The following MNS1 variants were observed in gnomAD, a reference collection of about 807,000 sequenced individuals.
MNS1 encodes meiosis specific nuclear structural 1.
Under a neutral mutation model 72.0 loss-of-function variants are expected in MNS1, and 63 were observed. The ratio of observed to expected loss-of-function variants is 0.87; its 90% CI spans 0.71 to 1.08. MNS1 has a LOEUF of 1.08. MNS1 is among the 50% of genes least tolerant of loss of function. The probability of loss-of-function intolerance (pLI) is 0.00; values close to 1 mark genes in which losing one functional copy is unlikely to be tolerated. For missense variants in MNS1, 604 were observed against 562.4 expected (o/e 1.07, Z -0.75); for synonymous variants, 188 against 172.1 (o/e 1.09, Z -0.72).
At position 56,434,364 on chromosome 15, in the gene MNS1, T is replaced by TTTTGC. The variant is rs777722284; in HGVS notation, c.1038_1042dup (p.Lys348SerfsTer5). On this transcript the variant is annotated frameshift_variant, in exon 8 of 10. Coordinates refer to ENST00000260453, the MANE Select transcript of MNS1 (RefSeq NM_018365.4). LOFTEE classifies it high-confidence loss of function. ...TTCTTCAAAATCTTGCTTCATCTCT[T>TTTTGC]TTTGCTTTCTCAATTTCTTTTCTGC... The TTTTGC allele has an allele frequency of 3.1e-6, 5 of 1,612,718 alleles. No homozygotes were observed. Among genetic ancestry groups the TTTTGC allele is most frequent in the Non-Finnish European group, 4.2e-6 (5 of 1,179,600 alleles).
intron 7 of MNS1, among the ~76,000 whole-genome samples, chr15:56,438,273 G>A (rs2050762067): frequency 6.6e-6 from 1 of 151,964 alleles, no homozygotes; most frequent in Admixed American, 6.6e-5. Flanking sequence ...CAGAGATATA[G>A]ACCAATGGAA....
At chr15:56,434,077 G>A (rs2050672416) in intron 8 of MNS1, 61 bp downstream of exon 8, 2 of 1,515,150 alleles carry the variant, frequency 1.3e-6, no homozygotes, top group Admixed American at 3.9e-5. Flanking sequence ...TTTAGTGGAT[G>A]ATAGATGAGC....
chr15:56,464,849 A>G (rs747322985), intron 1 of MNS1, 121 bp downstream of exon 1: 92 of 1,417,002 alleles, frequency 6.5e-5, no homozygotes, highest in Admixed American at 1.8e-4. Context: ...GAAAGCAAAT[A>G]CAAGTTCCCC....
chr15:56,461,240 A>G (rs1159649126), intron 2 of MNS1, among the ~76,000 whole-genome samples: 1 of 152,188 alleles, frequency 6.6e-6, no homozygotes, highest in African/African-American at 2.4e-5. Context: ...ACCGAGAATG[A>G]TGTTTTATCA....
At chr15:56,451,729 T>TG (rs35827225) in intron 3 of MNS1, among the ~76,000 whole-genome samples, 119,539 of 152,086 alleles carry the variant, frequency 0.79, 49,273 homozygotes, top group South Asian at 0.91. Context: ...CAATTCATGA[T>TG]GGGATGCATC....
chr15:56,463,809 C>T (rs962644903), intron 2 of MNS1: 25 of 473,974 alleles, frequency 5.3e-5, no homozygotes, highest in Non-Finnish European at 7.4e-6. Flanking sequence ...AAGCAACTTA[C>T]TCAAGGGTCC....
intron 2 of MNS1, among the ~76,000 whole-genome samples, chr15:56,458,113 A>C (rs930938496): frequency 2.0e-5 from 3 of 152,224 alleles, no homozygotes; most frequent in Admixed American, 6.5e-5. Context: ...GCTAATTCCA[A>C]AAGATTACAT....
At chr15:56,434,973 T>C (rs1274282640) in intron 7 of MNS1, among the ~76,000 whole-genome samples, 1 of 152,104 alleles carries the variant, frequency 6.6e-6, no homozygotes, top group Admixed American at 6.6e-5. Flanking sequence ...TATAAGCTTT[T>C]ATTTTCTGAA....
At chr15:56,452,547 C>T (rs2050954540) in intron 3 of MNS1, among the ~76,000 whole-genome samples, 1 of 146,260 alleles carries the variant, frequency 6.8e-6, no homozygotes, top group Admixed American at 6.9e-5. Flanking sequence ...GAGACAGAGT[C>T]TCTCTCTGTC....
In MNS1 at chr15:56,434,217, T is replaced by A; in HGVS notation, c.1190A>T (p.Gln397Leu). The change falls in exon 8 of 10, where the codon CAA (glutamine) becomes CTA (leucine). Residue 397 changes from glutamine to leucine, a missense_variant. Physicochemically the swap from Gln to Leu is moderately radical, Grantham distance 113. Coordinates refer to ENST00000260453, the MANE Select transcript of MNS1 (RefSeq NM_018365.4). ...DRIELMNAQK[Q>L]RMKQLEHRRA... ...CCTGTGTTCCAGCTGCTTCATTCTT[T>A]GTTTCTGAGCATTCATTAATTCTAT... 1.2e-6 allele frequency: 2 copies of A among 1,613,998 alleles called. No individual in the cohort carries two copies. The highest frequency in any genetic ancestry group is 1.7e-6 in the Non-Finnish European group (2 of 1,179,924).
chr15:56,460,001 A>ATATATATATATATATATAT (rs2051007058), intron 2 of MNS1, among the ~76,000 whole-genome samples: 2 of 33,882 alleles, frequency 5.9e-5, no homozygotes, highest in African/African-American at 2.2e-4. Flanking sequence ...AAAAAAAAAA[A>ATATATATATATATATATAT]AAAAAAAAAT....
In MNS1 at chr15:56,444,486, A is replaced by T. The variant is rs1364044799; in HGVS notation, c.644T>A (p.Met215Lys). Residue 215 changes from methionine (M) to lysine (K), a missense_variant, in exon 5 of 10, where the codon ATG (methionine) becomes AAG (lysine). Transcript: ENST00000260453. ...GATCTTCCTAACAATTTCATCAATC[A>T]TGAGTTTCTCTTTTAGCAGCTGCTC... ...AYEQLLKEKL[M>K]IDEIVRKIYE... 2 of 1,609,032 alleles carry T rather than the reference A, an allele frequency of 1.2e-6. No individual in the cohort carries two copies. The highest frequency in any genetic ancestry group is 1.7e-6 in the Non-Finnish European group (2 of 1,178,846).
intron 2 of MNS1, 35 bp from the exon 3 acceptor site, chr15:56,456,556 TAGAATC>T (rs1174854206): frequency 6.3e-7 from 1 of 1,591,020 alleles, no homozygotes; most frequent in Non-Finnish European, 8.5e-7. Context: ...GTTTGTCCTC[TAGAATC>T]AGATTTTTTT....
chr15:56,430,863 A>T (rs1277188783), intron 9 of MNS1, among the ~76,000 whole-genome samples: 1 of 152,168 alleles, frequency 6.6e-6, no homozygotes, highest in Non-Finnish European at 1.5e-5. Context: ...AAAAGGGGAG[A>T]AAAGAAACTC....
rs1449729006 is a variant in MNS1 at position 56,444,519 on chromosome 15, T to A, written c.611A>T (p.Glu204Val). 1 of 1,612,288 alleles carries A rather than the reference T, an allele frequency of 6.2e-7. No homozygotes were observed. Among genetic ancestry groups the A allele is most frequent in the Non-Finnish European group, 8.5e-7 (1 of 1,179,440 alleles). ...CTCTTTTAGCAGCTGCTCATAAGCT[T>A]CCTGCTTTTTTTTTTCTTGTTCTTC... ...QLEEQEKKKQ[E>V]AYEQLLKEKL... The change falls in exon 5 of 10, where the codon GAA (glutamate) becomes GTA (valine). Residue 204 changes from glutamate to valine, a missense_variant. Glu to Val is a moderately radical substitution (Grantham distance 121). Coordinates refer to ENST00000260453, the MANE Select transcript of MNS1 (RefSeq NM_018365.4).
chr15:56,443,318 A>G, intron 7 of MNS1, 112 bp downstream of exon 7: 1 of 747,686 alleles, frequency 1.3e-6, no homozygotes, highest in Non-Finnish European at 2.0e-6. Flanking sequence ...TACCATTTAC[A>G]TATAATGTAA....
chr15:56,434,007 TTA>T, intron 8 of MNS1, 129 bp downstream of exon 8: 11 of 985,272 alleles, frequency 1.1e-5, no homozygotes, highest in Non-Finnish European at 1.3e-5. Context: ...GTCAGAAAAT[TTA>T]TATATATATT....
chr15:56,443,514 C>G lies in MNS1; in HGVS notation c.927G>C (p.Met309Ile), dbSNP rs2050854202. 6.3e-7 allele frequency: 1 copy of G among 1,597,970 alleles called. No homozygotes were observed. The highest frequency in any genetic ancestry group is 1.2e-5 in the South Asian group (1 of 86,082). ...QNALTQKLEE[M>I]LRQREDLEQV... ...GTTCCAAATCTTCACGTTGCCGCAGCATTTCTTCTAATTTCTGTGTCAACT... is the reference window on the plus strand; with the variant it reads ...GTTCCAAATCTTCACGTTGCCGCAGGATTTCTTCTAATTTCTGTGTCAACT... The change falls in exon 7 of 10, where the codon ATG becomes ATC. Residue 309 changes from methionine to isoleucine, a missense_variant. Met to Ile is a conservative substitution (Grantham distance 10). Transcript: ENST00000260453.
At chr15:56,455,572 C>T (rs1399254271) in intron 3 of MNS1, among the ~76,000 whole-genome samples, 1 of 152,104 alleles carries the variant, frequency 6.6e-6, no homozygotes, top group Admixed American at 6.5e-5. Context: ...CCAATATATT[C>T]AATTACATAA....
Sources: allele counts gnomAD v4.1 joint callset (sites outside exome capture counted in the v4.1 genomes callset), GRCh38; gene constraint gnomAD v4.1.1; transcripts MANE v1.5; gene names NCBI Gene and HGNC (gene_info 2026-07-23, HGNC 2026-07-21).